Variants in SLCO1A2 observed in about 807,000 individuals in gnomAD.
SLCO1A2 encodes OATP-1.
In SLCO1A2, 67 loss-of-function variants were observed where a neutral mutation model predicts 69.0. The ratio of observed to expected loss-of-function variants is 0.97; its 90% CI spans 0.80 to 1.19. The LOEUF is 1.19. Ranked by LOEUF, SLCO1A2 falls within the 50% of genes most tolerant of loss-of-function variation. The probability of loss-of-function intolerance (pLI) is 0.00; values close to 1 mark genes in which losing one functional copy is unlikely to be tolerated. For synonymous variants in SLCO1A2, 260 were observed against 265.9 expected, an observed-to-expected ratio of 0.98 and a Z score of 0.22; for missense variants, 787 against 793.7, an observed-to-expected ratio of 0.99 and a Z score of 0.10.
chr12:21,395,049 T>G (rs1941370698), exon 1 of SLCO1A2: 1 of 158,160 alleles, frequency 6.3e-6, no homozygotes, highest in South Asian at 2.0e-4. Flanking sequence ...ACAGCTCCGG[T>G]GCACAGCTCC....
intron 2 of SLCO1A2, among the ~76,000 whole-genome samples, chr12:21,363,557 G>A (rs1489320820): frequency 1.3e-5 from 2 of 152,162 alleles, no homozygotes; most frequent in African/African-American, 4.8e-5. Context: ...GAGCAGAACT[G>A]AAGTAGATAG....
At chr12:21,379,243 T>A (rs1317908609) in intron 1 of SLCO1A2, 2 of 152,228 alleles carry the variant, frequency 1.3e-5, no homozygotes, top group Admixed American at 6.5e-5. Context: ...AAATATTTTT[T>A]AAAGTCTATT....
rs565677970 is a variant in SLCO1A2 at position 21,275,149 on chromosome 12, G to A, written c.1675+211C>T. On this transcript the variant is annotated intron_variant, in intron 13 of 14. Coordinates refer to ENST00000683939, the MANE Select transcript of SLCO1A2 (RefSeq NM_001386879.1). ...GGAACATCACACACCAGGGCCTGTT[G>A]TGGGGTGGGGGAAGGGGGGAGGGAT... The A allele has an allele frequency of 5.6e-6, 5 of 900,718 alleles. No individual in the cohort carries two copies. In the South Asian group the frequency reaches 1.9e-4, roughly 35 times the overall value. The allele number at this position is 900,718 out of a possible 1,614,324, so 55.8% of individuals were successfully genotyped here.
chr12:21,274,497 A>G lies in SLCO1A2; in HGVS notation c.1765T>C (p.Cys589Arg), dbSNP rs1943437832. The change falls in exon 14 of 15, where the codon TGC becomes CGC. Residue 589 changes from cysteine to arginine, a missense_variant. Coordinates refer to ENST00000683939, the MANE Select transcript of SLCO1A2 (RefSeq NM_001386879.1). ...AAGGTGGTGGAATCATATATCCTGC[A>G]TGCCCCTGACTCACCACATTTCAAA... ...GTLKCGESGA[C>R]RIYDSTTFRY... is the part of the protein sequence containing the mutation. The G allele has an allele frequency of 6.2e-7, 1 of 1,612,870 alleles. No homozygotes were observed. The highest frequency in any genetic ancestry group is 2.2e-5 in the East Asian group (1 of 44,820).
In SLCO1A2 at chr12:21,400,759, C is replaced by T. The variant is rs533591965; in HGVS notation, c.-312+17123G>A. On this transcript the variant is annotated intron_variant, in intron 1 of 4. Transcript: ENST00000413682. ...GGATGAAATTGGAAATCATCATTCT[C>T]AGTAAACTATCGCAAGAACAAAAAA... 8.8e-4 allele frequency among the ~76,000 whole-genome samples: 131 copies of T among 149,678 alleles called. 1 individual carries two copies. Among genetic ancestry groups the T allele is most frequent in the African/African-American group, 3.1e-3 (127 of 40,742 alleles).
chr12:21,407,441 T>C (rs1591921813), intron 1 of SLCO1A2, among the ~76,000 whole-genome samples: 5 of 152,146 alleles, frequency 3.3e-5, no homozygotes, highest in East Asian at 1.9e-4. Context: ...TTATATTCTA[T>C]TGGAAATGGG....
chr12:21,314,592 A>C lies in SLCO1A2; in HGVS notation c.292T>G (p.Leu98Val), dbSNP rs762597139. The change falls in exon 4 of 15, where the codon TTA becomes GTA. Residue 98 changes from leucine (L) to valine (V), a missense_variant. Leu to Val is a conservative substitution (Grantham distance 32). Coordinates refer to ENST00000683939, the MANE Select transcript of SLCO1A2 (RefSeq NM_001386879.1). ...MIGIGCVVMG[L>V]GCFLKSLPHF... ...GGTAGTGATTTTAAGAAACAGCCTAAGCCCATAACCACACATCCAATGCCA... is the reference window on the plus strand; with the variant it reads ...GGTAGTGATTTTAAGAAACAGCCTACGCCCATAACCACACATCCAATGCCA... 1 of 1,614,164 alleles carries C rather than the reference A, an allele frequency of 6.2e-7. No homozygotes were observed. The highest frequency in any genetic ancestry group is 8.5e-7 in the Non-Finnish European group (1 of 1,179,986).
intron 1 of SLCO1A2, among the ~76,000 whole-genome samples, chr12:21,393,463 T>A (rs527478554): frequency 1.3e-5 from 2 of 152,196 alleles, no homozygotes; most frequent in Admixed American, 6.5e-5. Flanking sequence ...TCAATATAGA[T>A]ATAAAATTCT....
chr12:21,383,529 C>G (rs1940717007), intron 1 of SLCO1A2, among the ~76,000 whole-genome samples: 1 of 152,136 alleles, frequency 6.6e-6, no homozygotes, highest in Non-Finnish European at 1.5e-5. Context: ...GGGATCTACA[C>G]TGTACCCTGG....
At chr12:21,293,568 T>A (rs941049716) in intron 11 of SLCO1A2, among the ~76,000 whole-genome samples, 1 of 104,144 alleles carries the variant, frequency 9.6e-6, no homozygotes, top group Non-Finnish European at 2.0e-5. Flanking sequence ...CACAGAAAAA[T>A]ATATATATAT....
intron 1 of SLCO1A2, among the ~76,000 whole-genome samples, chr12:21,382,587 G>A (rs1432121416): frequency 6.6e-6 from 1 of 152,020 alleles, no homozygotes; most frequent in Non-Finnish European, 1.5e-5. Flanking sequence ...CACAAGGTCA[G>A]GAGTTCAAGA....
intron 4 of SLCO1A2, among the ~76,000 whole-genome samples, chr12:21,312,793 G>C (rs1027673645): frequency 2.0e-5 from 3 of 152,108 alleles, no homozygotes; most frequent in African/African-American, 7.2e-5. Context: ...ACCATCTTAA[G>C]ACCAGCACGG....
intron 8 of SLCO1A2, among the ~76,000 whole-genome samples, chr12:21,299,867 CG>C (rs1948417324): frequency 9.5e-6 from 1 of 105,456 alleles, no homozygotes; most frequent in African/African-American, 3.7e-5. Flanking sequence ...TATATATATA[CG>C]TGTGTGTATA....
intron 2 of SLCO1A2, among the ~76,000 whole-genome samples, chr12:21,371,655 A>G (rs1446287501): frequency 1.3e-5 from 2 of 152,210 alleles, no homozygotes; most frequent in Non-Finnish European, 2.9e-5. Context: ...TATTTGCTTT[A>G]CATGACACTA....
At chr12:21,279,062 C>T (rs1355146744) in intron 12 of SLCO1A2, among the ~76,000 whole-genome samples, 1 of 151,652 alleles carries the variant, frequency 6.6e-6, no homozygotes, top group Non-Finnish European at 1.5e-5. Context: ...CAATGACATA[C>T]TAAAGAATGC....
At chr12:21,320,691 G>T (rs1308707462) in intron 2 of SLCO1A2, among the ~76,000 whole-genome samples, 2 of 151,984 alleles carry the variant, frequency 1.3e-5, no homozygotes, top group Non-Finnish European at 2.9e-5. Flanking sequence ...TACAGACGGG[G>T]TTTCACCATG....
At chr12:21,413,284 G>A (rs376070097) in intron 1 of SLCO1A2, among the ~76,000 whole-genome samples, 2 of 126,468 alleles carry the variant, frequency 1.6e-5, no homozygotes, top group African/African-American at 3.0e-5. Context: ...TATCTCCCAG[G>A]CTGGAAAGCA....
At chr12:21,365,303 T>A (rs2137064928) in intron 2 of SLCO1A2, among the ~76,000 whole-genome samples, 1 of 152,266 alleles carries the variant, frequency 6.6e-6, no homozygotes, top group East Asian at 1.9e-4. Context: ...GGGAAAGGAT[T>A]CCCTATTTAA....
intron 2 of SLCO1A2, among the ~76,000 whole-genome samples, chr12:21,364,812 T>C (rs950470068): frequency 6.6e-6 from 1 of 152,152 alleles, no homozygotes; most frequent in South Asian, 2.1e-4. Context: ...TCAAAGAGAA[T>C]AAAATACCTA....
Sources: gnomAD v4.1 joint callset for allele counts (sites outside exome capture counted in the v4.1 genomes callset) on GRCh38, gnomAD v4.1.1 for gene constraint, MANE v1.5 for transcripts, NCBI Gene and HGNC (gene_info 2026-07-23, HGNC 2026-07-21) for gene names.